Variants in RAPGEF5 observed in about 807,000 individuals in gnomAD.
The protein encoded by RAPGEF5 is Rap guanine nucleotide exchange factor 5.
RAPGEF5 carries 65 observed loss-of-function variants against 125.2 expected under a neutral mutation model. That is an observed-to-expected ratio of 0.52 (90% CI 0.43 to 0.64). The LOEUF is 0.64. Among genes scored for constraint, RAPGEF5 ranks in the 30% least tolerant of loss-of-function variants. The pLI is 0.00. For missense variants in RAPGEF5, 958 were observed against 1,048.1 expected (o/e 0.91, Z 1.19); for synonymous variants, 391 against 385.9 (o/e 1.01, Z -0.16).
intron 9 of RAPGEF5, among the ~76,000 whole-genome samples, chr7:22,218,678 G>A (rs1347090917): frequency 6.6e-6 from 1 of 152,134 alleles, no homozygotes; most frequent in Non-Finnish European, 1.5e-5. Flanking sequence ...CAGAGGTTAG[G>A]CGTCAGTCTA....
chr7:22,158,085 G>T (rs999780919), intron 14 of RAPGEF5, among the ~76,000 whole-genome samples, 200 bp from the exon 15 acceptor site: 1 of 152,218 alleles, frequency 6.6e-6, no homozygotes, highest in Non-Finnish European at 1.5e-5. Flanking sequence ...AAGTAAAGAA[G>T]TTATGGATTC....
intron 16 of RAPGEF5, 112 bp from the exon 17 acceptor site, chr7:22,154,716 T>C (rs1783749617): frequency 8.4e-7 from 1 of 1,191,658 alleles, no homozygotes; most frequent in Admixed American, 2.3e-5. Context: ...ACCTGGCTAT[T>C]CTCTTCAGTA....
intron 8 of RAPGEF5, among the ~76,000 whole-genome samples, chr7:22,226,177 G>C (rs1028327641): frequency 1.3e-5 from 2 of 152,178 alleles, no homozygotes; most frequent in South Asian, 2.1e-4. Context: ...CAGAAAGAAA[G>C]AGTCCACCTT....
intron 1 of RAPGEF5, among the ~76,000 whole-genome samples, chr7:22,340,971 A>G (rs2128386814): frequency 6.6e-6 from 1 of 152,370 alleles, no homozygotes; most frequent in African/African-American, 2.4e-5. Flanking sequence ...GAGTAACACG[A>G]GGTGACTTAT....
chr7:22,196,453 T>TAA (rs1785149090), intron 9 of RAPGEF5, among the ~76,000 whole-genome samples: 1 of 152,230 alleles, frequency 6.6e-6, no homozygotes, highest in Non-Finnish European at 1.5e-5. Flanking sequence ...TTAAAACACT[T>TAA]AATTGACATT....
intron 13 of RAPGEF5, 27 bp from the exon 14 acceptor site, chr7:22,160,642 C>T: frequency 1.3e-6 from 2 of 1,511,686 alleles, no homozygotes; most frequent in East Asian, 2.5e-5. Context: ...AATGAGAGCT[C>T]AGTGGTTGAA....
At chr7:22,137,291 C>T (rs1211003688) in intron 21 of RAPGEF5, among the ~76,000 whole-genome samples, 1 of 152,182 alleles carries the variant, frequency 6.6e-6, no homozygotes, top group East Asian at 1.9e-4. Context: ...CCATACCCTA[C>T]CTTTGACAAA....
chr7:22,156,759 T>C, intron 16 of RAPGEF5, 51 bp downstream of exon 16: 5 of 1,609,088 alleles, frequency 3.1e-6, no homozygotes, highest in Non-Finnish European at 4.2e-6. Flanking sequence ...AGGAGAAAAA[T>C]GGTGGCTAAC....
At chr7:22,251,406 C>T (rs1338345514) in intron 7 of RAPGEF5, among the ~76,000 whole-genome samples, 8 of 152,152 alleles carry the variant, frequency 5.3e-5, no homozygotes, top group Non-Finnish European at 8.8e-5. Flanking sequence ...GCATAATGGC[C>T]TCTTGGGCCC....
chr7:22,299,134 T>C (rs1783137253), intron 5 of RAPGEF5, among the ~76,000 whole-genome samples: 1 of 152,138 alleles, frequency 6.6e-6, no homozygotes, highest in South Asian at 2.1e-4. Context: ...TTTGTTTTTC[T>C]TTGGCTAGCT....
At chr7:22,146,517 C>T (rs895449531) in intron 19 of RAPGEF5, among the ~76,000 whole-genome samples, 4 of 152,100 alleles carry the variant, frequency 2.6e-5, no homozygotes, top group Non-Finnish European at 5.9e-5. Context: ...TATGTGTGTA[C>T]ATACATAAAT....
At chr7:22,284,044 G>A (rs1476118743) in intron 6 of RAPGEF5, among the ~76,000 whole-genome samples, 1 of 148,550 alleles carries the variant, frequency 6.7e-6, no homozygotes, top group Non-Finnish European at 1.5e-5. Context: ...AGAGATGATG[G>A]CTTAGTAATT....
intron 14 of RAPGEF5, 138 bp downstream of exon 14, chr7:22,160,380 A>G (rs1161438406): frequency 2.7e-6 from 2 of 728,868 alleles, no homozygotes; most frequent in African/African-American, 3.6e-5. Flanking sequence ...ACAATTTACT[A>G]CTAGAAAAGC....
intron 11 of RAPGEF5, among the ~76,000 whole-genome samples, chr7:22,178,247 C>T (rs185198663): frequency 4.5e-4 from 68 of 152,282 alleles, no homozygotes; most frequent in African/African-American, 1.5e-3. Flanking sequence ...AAGGCCAAAT[C>T]ATAAAATTCT....
At chr7:22,309,330 A>G (rs1347962815) in intron 4 of RAPGEF5, among the ~76,000 whole-genome samples, 1 of 152,250 alleles carries the variant, frequency 6.6e-6, no homozygotes, top group Non-Finnish European at 1.5e-5. Flanking sequence ...GACCAGGGGT[A>G]TGCCCTTGAT....
At chr7:22,124,973 T>C (rs1041663910) in intron 25 of RAPGEF5, among the ~76,000 whole-genome samples, 1 of 152,200 alleles carries the variant, frequency 6.6e-6, no homozygotes, top group African/African-American at 2.4e-5. Flanking sequence ...CTCAATGAAG[T>C]TGATTTCCTT....
rs556789903 is a variant in RAPGEF5 at position 22,288,636 on chromosome 7, C to T, written c.747+2539G>A. On this transcript the variant is annotated intron_variant, in intron 6 of 25. Transcript: ENST00000665637. ...CTCCCAGGTTCACACCATTCTCCTGCCTCAGCCTCCCGAGTAGCTGGGACT... is the reference window on the plus strand; with the variant it reads ...CTCCCAGGTTCACACCATTCTCCTGTCTCAGCCTCCCGAGTAGCTGGGACT... 1.2e-3 allele frequency among the ~76,000 whole-genome samples: 176 copies of T among 152,194 alleles called. 1 individual carries two copies. The highest frequency in any genetic ancestry group is 4.0e-3 in the African/African-American group (168 of 41,532).
chr7:22,141,570 G>C (rs1783261682), intron 20 of RAPGEF5, among the ~76,000 whole-genome samples: 1 of 152,214 alleles, frequency 6.6e-6, no homozygotes, highest in Admixed American at 6.5e-5. Flanking sequence ...TCCAAGCAAG[G>C]AAGGCTCAGG....
At chr7:22,234,505 TAA>T (rs1786137343) in intron 7 of RAPGEF5, among the ~76,000 whole-genome samples, 1 of 152,204 alleles carries the variant, frequency 6.6e-6, no homozygotes, top group African/African-American at 2.4e-5. Context: ...ACACAGAGTC[TAA>T]AAGCAAGTAA....
Sources: allele counts gnomAD v4.1 joint callset (sites outside exome capture counted in the v4.1 genomes callset), GRCh38; gene constraint gnomAD v4.1.1; transcripts MANE v1.5; gene names NCBI Gene and HGNC (gene_info 2026-07-23, HGNC 2026-07-21).